The following CDH5 variants were observed in gnomAD, a reference collection of about 807,000 sequenced individuals.
CDH5 encodes the protein cadherin-5.
A neutral mutation model predicts 62.0 loss-of-function variants in CDH5; 28 were observed. The ratio of observed to expected loss-of-function variants is 0.45; its 90% CI spans 0.33 to 0.62. CDH5 has a LOEUF of 0.62. CDH5 is among the 20% of genes least tolerant of loss of function. The pLI, the probability that CDH5 is intolerant of heterozygous loss-of-function variation, is 0.02. For synonymous variants in CDH5, 464 were observed against 445.8 expected (o/e 1.04, Z -0.52); for missense variants, 940 against 1,065.1 (o/e 0.88, Z 1.63).
chr16:66,401,159 C>T, intron 11 of CDH5, 143 bp downstream of exon 11: 4 of 1,098,774 alleles, frequency 3.6e-6, no homozygotes, highest in East Asian at 2.6e-5. Context: ...AGCCCTTAGC[C>T]AGTTCATGTG....
intron 9 of CDH5, 117 bp downstream of exon 9, chr16:66,398,223 CATT>C: frequency 8.3e-7 from 1 of 1,211,160 alleles, no homozygotes; most frequent in African/African-American, 1.5e-5. Context: ...AGGAAAATAA[CATT>C]ATGCCCATTT....
chr16:66,367,358 G>T (rs923755460), intron 1 of CDH5, among the ~76,000 whole-genome samples: 1 of 152,234 alleles, frequency 6.6e-6, no homozygotes, highest in South Asian at 2.1e-4. Context: ...TTCCCTCTGG[G>T]CCTTTCCCTG....
chr16:66,391,473 T>C (rs1483860736), intron 6 of CDH5, among the ~76,000 whole-genome samples: 1 of 151,714 alleles, frequency 6.6e-6, no homozygotes, highest in Non-Finnish European at 1.5e-5. Context: ...AGCAAAGGCA[T>C]AAAGAAAAAG....
Position 66,403,316 on chromosome 16 carries a change from G to T in CDH5, c.*147G>T. 1 of 668,744 alleles carries T rather than the reference G, an allele frequency of 1.5e-6. No homozygotes were observed. The highest frequency in any genetic ancestry group is 2.5e-6 in the Non-Finnish European group (1 of 398,912). 41.4% of individuals were successfully genotyped at this position (668,744 alleles called of 1,614,324 possible). ...GGTCCCAGAGACCTCATCAGCCTTG[G>T]GATAGCAAACTCCAGGTTCCTGAAA... On this transcript the variant is annotated 3_prime_UTR_variant, in exon 12 of 12. Coordinates refer to ENST00000341529, the MANE Select transcript of CDH5 (RefSeq NM_001795.5). This position sits in a 1 kb window ranked among gnomAD's most constrained non-coding sequence, Gnocchi z 4.3.
chr16:66,385,062 C>T (rs2142323510), intron 2 of CDH5, among the ~76,000 whole-genome samples: 1 of 152,250 alleles, frequency 6.6e-6, no homozygotes, highest in South Asian at 2.1e-4. Flanking sequence ...GGATCTGTAC[C>T]CTCTGTACTC....
intron 1 of CDH5, among the ~76,000 whole-genome samples, chr16:66,373,749 C>G (rs988140570): frequency 2.0e-5 from 3 of 152,048 alleles, no homozygotes; most frequent in Non-Finnish European, 2.9e-5. Flanking sequence ...ATGGGAAGGT[C>G]CCACAGGTGT....
intron 1 of CDH5, among the ~76,000 whole-genome samples, chr16:66,374,395 G>T (rs558165018): frequency 1.9e-4 from 29 of 152,320 alleles, no homozygotes; most frequent in African/African-American, 7.0e-4. Context: ...CCTGGCAAAT[G>T]ACACACAGCT....
At chr16:66,401,308 C>T (rs981374486) in intron 11 of CDH5, among the ~76,000 whole-genome samples, 6 of 152,212 alleles carry the variant, frequency 3.9e-5, no homozygotes, top group Admixed American at 1.3e-4. Flanking sequence ...ACATAACAGT[C>T]ACTCCTTCCA....
chr16:66,367,230 G>C (rs886517247), intron 1 of CDH5, among the ~76,000 whole-genome samples: 1 of 152,196 alleles, frequency 6.6e-6, no homozygotes, highest in Non-Finnish European at 1.5e-5. Flanking sequence ...TCTATGCTGG[G>C]ATCTGGGGAG....
chr16:66,386,028 A>G (rs1341833908), intron 2 of CDH5, among the ~76,000 whole-genome samples: 3 of 152,262 alleles, frequency 2.0e-5, no homozygotes, highest in Non-Finnish European at 4.4e-5. Context: ...CCTCAGAGCA[A>G]AGCAACATCA....
rs143300610 is a variant in CDH5 at position 66,388,427 on chromosome 16, C to T, written c.603C>T (p.Ala201=). 5 of 1,607,862 alleles carry T rather than the reference C, an allele frequency of 3.1e-6. No individual in the cohort carries two copies. Among genetic ancestry groups the T allele is most frequent in the Non-Finnish European group, 4.3e-6 (5 of 1,174,282 alleles). The change falls in exon 4 of 12, where the codon GCC becomes GCT. Residue 201 remains alanine, a synonymous_variant. Transcript: ENST00000341529. ...TCCTGAAGGGGAAAGAGTATTTTGC[C>T]ATCGATAATTCTGGTCTGTGTGACT... The part of the protein sequence containing the change: ...YQILKGKEYF[A]IDNSGRIITI...
chr16:66,398,208 C>T, intron 9 of CDH5, 102 bp downstream of exon 9: 1 of 1,372,388 alleles, frequency 7.3e-7, no homozygotes, highest in East Asian at 2.3e-5. Flanking sequence ...TGTACAATAG[C>T]CTTGAGGAAA....
At chr16:66,386,752 C>T in intron 2 of CDH5, 57 bp from the exon 3 acceptor site, 1 of 1,463,898 alleles carries the variant, frequency 6.8e-7, no homozygotes, top group South Asian at 1.3e-5. Flanking sequence ...CTCACTCACA[C>T]ACTCACACAC....
chr16:66,398,092 G>A lies in CDH5; in HGVS notation c.1471G>A (p.Ala491Thr), dbSNP rs368052920. ...KPYQPKVCEN[A>T]VHGQLVLQIS... The stretch of plus-strand genomic sequence containing the variant: ...CTACCAGCCCAAAGTGTGTGAGAAC[G>A]CTGTCCATGGCCAGGTGAGTCTGGT... The change falls in exon 9 of 12, where the codon GCT (alanine) becomes ACT (threonine). Residue 491 changes from alanine (A) to threonine (T), a missense_variant. Transcript: ENST00000341529. 14 of 1,614,104 alleles carry A rather than the reference G, an allele frequency of 8.7e-6. No homozygotes were observed. Among genetic ancestry groups the A allele is most frequent in the African/African-American group, 1.3e-5 (1 of 74,938 alleles).
chr16:66,398,235 T>A (rs1339134179), intron 9 of CDH5, 129 bp downstream of exon 9: 6 of 1,141,532 alleles, frequency 5.3e-6, no homozygotes, highest in Non-Finnish European at 7.8e-6. Flanking sequence ...TTATGCCCAT[T>A]TTACAGATGG....
intron 7 of CDH5, chr16:66,392,827 T>C (rs774518309): frequency 2.0e-4 from 33 of 167,942 alleles, no homozygotes; most frequent in Non-Finnish European, 3.9e-4. Flanking sequence ...AAGAAAACAC[T>C]GATAACCCCC....
chr16:66,384,569 A>G (rs1328781926), intron 2 of CDH5, among the ~76,000 whole-genome samples: 2 of 151,134 alleles, frequency 1.3e-5, no homozygotes, highest in Admixed American at 6.6e-5. Context: ...CCTGGACAAC[A>G]TAGTGAGACC....
chr16:66,397,022 A>G (rs1961196836), intron 8 of CDH5, among the ~76,000 whole-genome samples: 1 of 152,254 alleles, frequency 6.6e-6, no homozygotes, highest in Non-Finnish European at 1.5e-5. Context: ...TACGGAAAAT[A>G]CAGAAAATGA....
intron 6 of CDH5, among the ~76,000 whole-genome samples, chr16:66,391,411 T>C (rs752759970): frequency 1.3e-5 from 2 of 152,126 alleles, no homozygotes; most frequent in Non-Finnish European, 2.9e-5. Context: ...CTTGGCTTCC[T>C]GAGGGATGAG....
Sources: gnomAD v4.1 joint callset for allele counts (sites outside exome capture counted in the v4.1 genomes callset) on GRCh38, gnomAD v4.1.1 for gene constraint, Gnocchi (gnomAD v3.1) non-coding constraint, MANE v1.5 for transcripts, NCBI Gene and HGNC (gene_info 2026-07-23, HGNC 2026-07-21) for gene names.